The following TIAM2 variants were observed in gnomAD, a reference collection of about 807,000 sequenced individuals.
TIAM2 encodes the protein TIAM Rac1 associated GEF 2, also known as rho guanine nucleotide exchange factor TIAM2.
A neutral mutation model predicts 152.9 loss-of-function variants in TIAM2; 80 were observed. The ratio of observed to expected loss-of-function variants is 0.52; its 90% CI spans 0.44 to 0.63. The LOEUF (loss-of-function observed/expected upper bound fraction) is 0.63. Ranked by LOEUF, TIAM2 falls within the 30% of genes least tolerant of loss-of-function variation. The pLI, the probability that TIAM2 is intolerant of heterozygous loss-of-function variation, is 0.00. For synonymous variants in TIAM2, 804 were observed against 838.0 expected, an observed-to-expected ratio of 0.96 and a Z score of 0.70; for missense variants, 1,965 against 2,120.1, an observed-to-expected ratio of 0.93 and a Z score of 1.44.
intron 1 of TIAM2, among the ~76,000 whole-genome samples, chr6:155,010,697 C>T (rs548475705): frequency 5.3e-5 from 8 of 152,158 alleles, no homozygotes; most frequent in African/African-American, 7.2e-5. Flanking sequence ...GTGATCCGCC[C>T]GCCTCGGCCT....
At position 155,256,737 on chromosome 6, in the gene TIAM2, C is replaced by T; in HGVS notation, c.4722C>T (p.Asp1574=). 2 of 1,614,218 alleles carry T rather than the reference C, an allele frequency of 1.2e-6. No individual in the cohort carries two copies. Among genetic ancestry groups the T allele is most frequent in the Non-Finnish European group, 1.7e-6 (2 of 1,180,046 alleles). Reference sequence around the variant, plus strand: ...ACATCCTGAGCGATGAAGATGATGACCACCGTCAGACTGTGAAGCAGGGCA... The same window carrying T: ...ACATCCTGAGCGATGAAGATGATGATCACCGTCAGACTGTGAAGCAGGGCA... The part of the protein sequence containing the change: ...ESDILSDEDD[D]HRQTVKQGSP... The change falls in exon 27 of 27, where the codon GAC becomes GAT. Residue 1574 remains aspartate, a synonymous_variant. Transcript: ENST00000682666.
chr6:155,246,758 T>G (rs1783361558), intron 19 of TIAM2, among the ~76,000 whole-genome samples: 1 of 152,218 alleles, frequency 6.6e-6, no homozygotes, highest in South Asian at 2.1e-4. Context: ...CATTCCTCCT[T>G]TGTCATAAAG....
Position 155,256,482 on chromosome 6 carries a change from A to G in TIAM2, c.4469-2A>G. 6.2e-7 allele frequency: 1 copy of G among 1,614,166 alleles called. No individual in the cohort carries two copies. Among genetic ancestry groups the G allele is most frequent in the Non-Finnish European group, 8.5e-7 (1 of 1,180,042 alleles). On this transcript the variant is annotated splice_acceptor_variant, in intron 26 of 26. Transcript: ENST00000682666. LOFTEE classifies it high-confidence loss of function. ...CAGCGAAATGTGTTTTTCTCACTGT[A>G]GCTTCATCCAGGTCTTTAAAAGTCC...
intron 1 of TIAM2, among the ~76,000 whole-genome samples, chr6:154,999,324 C>T (rs762634012): frequency 6.6e-6 from 1 of 152,044 alleles, no homozygotes; most frequent in Non-Finnish European, 1.5e-5. Flanking sequence ...GATTCTCCTG[C>T]CTCAGCCTCC....
intron 1 of TIAM2, among the ~76,000 whole-genome samples, chr6:155,078,511 T>A (rs967158010): frequency 6.6e-6 from 1 of 152,200 alleles, no homozygotes; most frequent in African/African-American, 2.4e-5. Context: ...CTGGTTTCTC[T>A]GTCATTTCAC....
chr6:155,026,834 C>T (rs1007034913), intron 1 of TIAM2, among the ~76,000 whole-genome samples: 1 of 152,148 alleles, frequency 6.6e-6, no homozygotes, highest in African/African-American at 2.4e-5. Context: ...TATGTAGTTA[C>T]GGGAGACTGG....
At chr6:155,018,669 C>T (rs1583152542) in intron 1 of TIAM2, among the ~76,000 whole-genome samples, 1 of 284 alleles carries the variant, frequency 3.5e-3, no homozygotes. Flanking sequence ...CCCTTTCCCT[C>T]CCCTCCCCTC....
chr6:155,154,811 A>G (rs1780066350), intron 7 of TIAM2, among the ~76,000 whole-genome samples: 1 of 152,096 alleles, frequency 6.6e-6, no homozygotes, highest in African/African-American at 2.4e-5. Context: ...TAGGGTTCAG[A>G]CTGCTCTGGG....
At chr6:154,997,629 ATTTTTT>A (rs57280691) in intron 1 of TIAM2, among the ~76,000 whole-genome samples, 6 of 62,108 alleles carry the variant, frequency 9.7e-5, no homozygotes, top group Admixed American at 2.1e-4. Context: ...GAAAGAATGG[ATTTTTT>A]TTTTTTTTTT....
intron 26 of TIAM2, chr6:155,255,581 A>G (rs1230360928): frequency 6.6e-6 from 1 of 151,742 alleles, no homozygotes; most frequent in Non-Finnish European, 1.5e-5. Context: ...CAAAACTGAG[A>G]ACTCCCTTCC....
intron 1 of TIAM2, among the ~76,000 whole-genome samples, chr6:155,014,861 G>T (rs1340198167): frequency 1.3e-5 from 2 of 152,162 alleles, no homozygotes; most frequent in Non-Finnish European, 1.5e-5. Context: ...TATGAGAAAA[G>T]AATTTCCTTT....
At chr6:155,252,368 C>G (rs1319709762) in intron 23 of TIAM2, among the ~76,000 whole-genome samples, 1 of 152,146 alleles carries the variant, frequency 6.6e-6, no homozygotes, top group Non-Finnish European at 1.5e-5. Context: ...ACTCGGGAGG[C>G]TGAGGCAGGA....
intron 1 of TIAM2, among the ~76,000 whole-genome samples, chr6:155,074,554 G>A (rs1777910270): frequency 6.6e-6 from 1 of 152,058 alleles, no homozygotes; most frequent in Admixed American, 6.6e-5. Flanking sequence ...CGCCACGTGG[G>A]CCAGGTGGGT....
At chr6:155,157,387 T>G (rs1179095879) in intron 7 of TIAM2, among the ~76,000 whole-genome samples, 2 of 152,200 alleles carry the variant, frequency 1.3e-5, no homozygotes, top group African/African-American at 4.8e-5. Flanking sequence ...GATGTAGATA[T>G]AGCACCCGTT....
chr6:155,039,504 C>T (rs575733377), intron 1 of TIAM2, among the ~76,000 whole-genome samples: 1 of 152,010 alleles, frequency 6.6e-6, no homozygotes, highest in African/African-American at 2.4e-5. Context: ...GGTTCTTTGT[C>T]TGCACTGAAA....
In TIAM2 at chr6:155,241,427, C is replaced by T. The variant is rs113525064; in HGVS notation, c.3348+718C>T. On this transcript the variant is annotated intron_variant, in intron 16 of 26. Transcript: ENST00000682666. ...GTGCGGTGGGCTGAGGGTCCAGGCC[C>T]GGCTTTGCCTCCCTCTGGCTGTATG... 7.7e-3 allele frequency among the ~76,000 whole-genome samples: 1,179 copies of T among 152,274 alleles called. 14 individuals carry two copies. Among genetic ancestry groups the T allele is most frequent in the African/African-American group, 0.027 (1,104 of 41,546 alleles).
intron 12 of TIAM2, among the ~76,000 whole-genome samples, chr6:155,179,816 AGT>A (rs1192070978): frequency 2.0e-5 from 3 of 152,144 alleles, no homozygotes; most frequent in Non-Finnish European, 4.4e-5. Flanking sequence ...CTTTGCTCTT[AGT>A]TTTCTCTTCC....
intron 2 of TIAM2, among the ~76,000 whole-genome samples, chr6:155,107,064 T>C (rs542185943): frequency 6.6e-6 from 1 of 152,034 alleles, no homozygotes; most frequent in South Asian, 2.1e-4. Flanking sequence ...GAAGGAAGAG[T>C]GAGTTTGTGG....
chr6:155,233,225 A>G (rs1474298585), intron 15 of TIAM2, among the ~76,000 whole-genome samples: 1 of 152,232 alleles, frequency 6.6e-6, no homozygotes, highest in Non-Finnish European at 1.5e-5. Context: ...ACGCACAGGA[A>G]AGTTGAAAGG....
Sources: allele counts gnomAD v4.1 joint callset (sites outside exome capture counted in the v4.1 genomes callset), GRCh38; gene constraint gnomAD v4.1.1; transcripts MANE v1.5; gene names NCBI Gene and HGNC (gene_info 2026-07-23, HGNC 2026-07-21).